The following GLRB variants were observed in gnomAD, a reference collection of about 807,000 sequenced individuals.
GLRB encodes the protein glycine receptor beta.
In GLRB, 33 loss-of-function variants were observed where a neutral mutation model predicts 54.2. The ratio of observed to expected loss-of-function variants is 0.61; its 90% CI spans 0.46 to 0.81. GLRB has a LOEUF of 0.81. GLRB is among the 40% of genes least tolerant of loss of function. The pLI is 0.00. For synonymous variants in GLRB, 209 were observed against 208.2 expected (o/e 1.00, Z -0.03); for missense variants, 572 against 584.6 (o/e 0.98, Z 0.22).
chr4:157,147,905 AG>A (rs1273848104), intron 8 of GLRB, among the ~76,000 whole-genome samples: 1 of 152,220 alleles, frequency 6.6e-6, no homozygotes, highest in Non-Finnish European at 1.5e-5. Context: ...TCTATGGTAA[AG>A]CAGCCATAGA....
At chr4:157,160,270 T>C (rs962864459) in intron 9 of GLRB, among the ~76,000 whole-genome samples, 1 of 152,052 alleles carries the variant, frequency 6.6e-6, no homozygotes, top group Non-Finnish European at 1.5e-5. Flanking sequence ...TTTTTTCATC[T>C]TTTCAAAAAA....
intron 8 of GLRB, among the ~76,000 whole-genome samples, chr4:157,146,391 G>T (rs962506193): frequency 4.6e-5 from 7 of 152,130 alleles, no homozygotes; most frequent in Non-Finnish European, 8.8e-5. Context: ...ATTTTAACCA[G>T]ATCTCTTTGC....
intron 4 of GLRB, among the ~76,000 whole-genome samples, chr4:157,134,030 G>A (rs1037115074): frequency 1.3e-5 from 2 of 151,772 alleles, no homozygotes; most frequent in Non-Finnish European, 2.9e-5. Flanking sequence ...AATTTTAAGG[G>A]GAATATTGTA....
At chr4:157,086,605 A>G (rs1046041179) in intron 2 of GLRB, among the ~76,000 whole-genome samples, 8 of 152,334 alleles carry the variant, frequency 5.3e-5, no homozygotes, top group African/African-American at 1.9e-4. Context: ...ATTACCTTCT[A>G]TTTGAGATGT....
At chr4:157,125,248 AG>A (rs1735976581) in intron 4 of GLRB, among the ~76,000 whole-genome samples, 1 of 151,868 alleles carries the variant, frequency 6.6e-6, no homozygotes, top group South Asian at 2.1e-4. Context: ...AAACAAAAAA[AG>A]TTCCCCAAAA....
chr4:157,118,171 G>A (rs1735673923), intron 2 of GLRB, among the ~76,000 whole-genome samples: 2 of 151,618 alleles, frequency 1.3e-5, no homozygotes, highest in South Asian at 4.1e-4. Flanking sequence ...AAAATTTAGT[G>A]TTAATTGTCT....
At chr4:157,162,026 A>C (rs867596391) in intron 9 of GLRB, among the ~76,000 whole-genome samples, 1 of 151,994 alleles carries the variant, frequency 6.6e-6, no homozygotes, top group Non-Finnish European at 1.5e-5. Context: ...GGCTTTGTTC[A>C]TTTGTTTTTA....
intron 2 of GLRB, among the ~76,000 whole-genome samples, chr4:157,091,037 TG>T (rs2126451125): frequency 6.6e-6 from 1 of 152,290 alleles, no homozygotes; most frequent in Non-Finnish European, 1.5e-5. Flanking sequence ...TGGTGTTGCA[TG>T]AAAATGGCTT....
intron 2 of GLRB, among the ~76,000 whole-genome samples, chr4:157,078,747 C>A (rs1734128152): frequency 6.6e-6 from 1 of 152,106 alleles, no homozygotes; most frequent in Non-Finnish European, 1.5e-5. Context: ...ACATCCCCCA[C>A]AAAAGACAAA....
At chr4:157,077,752 G>A (rs1307485187) in intron 1 of GLRB, among the ~76,000 whole-genome samples, 6 of 147,364 alleles carry the variant, frequency 4.1e-5, no homozygotes, top group Non-Finnish European at 9.0e-5. Flanking sequence ...TCTCGTTGGC[G>A]GTCTTGTTTT....
At chr4:157,165,521 TA>T (rs1400644410) in intron 9 of GLRB, among the ~76,000 whole-genome samples, 4 of 152,014 alleles carry the variant, frequency 2.6e-5, no homozygotes, top group African/African-American at 9.7e-5. Flanking sequence ...ATGAATGATT[TA>T]AAAAGTAGAA....
intron 7 of GLRB, among the ~76,000 whole-genome samples, chr4:157,141,733 A>C (rs1226442642): frequency 6.6e-6 from 1 of 152,076 alleles, no homozygotes; most frequent in African/African-American, 2.4e-5. Context: ...AATGTTTCTC[A>C]TAAAATTTTA....
chr4:157,078,142 C>A lies in GLRB; in HGVS notation c.118C>A (p.Pro40Thr). Residue 40 changes from proline (P) to threonine (T), a missense_variant, in exon 2 of 10, where the codon CCA becomes ACA. Pro to Thr is a conservative substitution (Grantham distance 38). Coordinates refer to ENST00000264428, the MANE Select transcript of GLRB (RefSeq NM_000824.5). ...GKGKKKQYLCPSQQSAEDLAR... is the reference protein window; with the variant it reads ...GKGKKKQYLCTSQQSAEDLAR... ...GGGGAAAAAGAAGCAGTATCTATGC[C>A]CATCGTATGTTCTTCATGTCTTATA... 6.2e-7 allele frequency: 1 copy of A among 1,612,002 alleles called. No homozygotes were observed. The highest frequency in any genetic ancestry group is 1.1e-5 in the South Asian group (1 of 91,020).
At chr4:157,088,688 T>C (rs1297208701) in intron 2 of GLRB, among the ~76,000 whole-genome samples, 1 of 152,140 alleles carries the variant, frequency 6.6e-6, no homozygotes, top group Non-Finnish European at 1.5e-5. Context: ...TTTCTCTTGA[T>C]TTAGCAAAAA....
At chr4:157,153,053 T>C (rs1737088721) in intron 9 of GLRB, 43 bp downstream of exon 9, 1 of 1,497,142 alleles carries the variant, frequency 6.7e-7, no homozygotes, top group African/African-American at 1.4e-5. Flanking sequence ...CCCCAACCAC[T>C]TCATAGTGTC....
intron 2 of GLRB, among the ~76,000 whole-genome samples, chr4:157,099,556 G>A (rs892119596): frequency 6.6e-6 from 1 of 151,902 alleles, no homozygotes; most frequent in Admixed American, 6.6e-5. Flanking sequence ...AGGCTGTCTG[G>A]AACTCCTGAC....
At chr4:157,139,462 T>G (rs1050286381) in intron 7 of GLRB, among the ~76,000 whole-genome samples, 4 of 152,082 alleles carry the variant, frequency 2.6e-5, no homozygotes, top group African/African-American at 7.2e-5. Flanking sequence ...TACAGTCTTC[T>G]TGACCTAGGT....
intron 9 of GLRB, among the ~76,000 whole-genome samples, chr4:157,163,290 G>A (rs1737582710): frequency 6.6e-6 from 1 of 152,084 alleles, no homozygotes; most frequent in Admixed American, 6.6e-5. Flanking sequence ...TTCCCTGTGA[G>A]GCAGTGCCCC....
chr4:157,166,970 A>G (rs1409076709), intron 9 of GLRB, among the ~76,000 whole-genome samples: 1 of 152,172 alleles, frequency 6.6e-6, no homozygotes, highest in Non-Finnish European at 1.5e-5. Context: ...AGGTTATAAT[A>G]TTATATAAAT....
Sources: gnomAD v4.1 joint callset for allele counts (sites outside exome capture counted in the v4.1 genomes callset) on GRCh38, gnomAD v4.1.1 for gene constraint, MANE v1.5 for transcripts, NCBI Gene and HGNC (gene_info 2026-07-23, HGNC 2026-07-21) for gene names.